The following ZNF620 variants were observed in gnomAD, a reference collection of about 807,000 sequenced individuals.
The protein encoded by ZNF620 is zinc finger protein 620.
In ZNF620, 10 loss-of-function variants were observed where a neutral mutation model predicts 13.3. That is an observed-to-expected ratio of 0.75 (90% CI 0.46 to 1.28). ZNF620 has a LOEUF of 1.28. Ranked by LOEUF, ZNF620 falls within the 50% of genes most tolerant of loss-of-function variation. The pLI is 0.00. For missense variants in ZNF620, 461 were observed against 500.2 expected (o/e 0.92, Z 0.75); for synonymous variants, 166 against 177.6 (o/e 0.93, Z 0.52).
intron 4 of ZNF620, among the ~76,000 whole-genome samples, chr3:40,515,064 T>C (rs1341157455): frequency 2.6e-5 from 4 of 152,366 alleles, no homozygotes; most frequent in African/African-American, 4.8e-5. Flanking sequence ...TGGTTTTCCC[T>C]TATTATCATG....
In ZNF620 at chr3:40,516,779, A is replaced by C; in HGVS notation, c.1185A>C (p.Lys395Asn). ...CTGGCGAGAAACCTTATGAGTGTAA[A>C]GTGTGTGGTAAAACCTTCAGCTGGT... is the stretch of plus-strand genomic sequence containing the variant. ...VHTGEKPYEC[K>N]VCGKTFSWCG... Residue 395 changes from lysine to asparagine, a missense_variant, in exon 5 of 5, where the codon AAA (lysine) becomes AAC (asparagine). Physicochemically the swap from Lys to Asn is moderately conservative, Grantham distance 94. Transcript: ENST00000314529. 1.2e-6 allele frequency: 2 copies of C among 1,614,194 alleles called. No homozygotes were observed. Among genetic ancestry groups the C allele is most frequent in the East Asian group, 2.2e-5 (1 of 44,876 alleles).
intron 3 of ZNF620, among the ~76,000 whole-genome samples, chr3:40,512,004 A>T (rs987108878): frequency 6.6e-6 from 1 of 152,062 alleles, no homozygotes; most frequent in South Asian, 2.1e-4. Context: ...GGGGTTTCTA[A>T]TAACTCTCTG....
At chr3:40,510,924 A>AT (rs956342901) in intron 2 of ZNF620, among the ~76,000 whole-genome samples, 1 of 151,944 alleles carries the variant, frequency 6.6e-6, no homozygotes, top group African/African-American at 2.4e-5. Context: ...GAATTTTTGT[A>AT]TTTTTTGTAG....
In ZNF620 at chr3:40,516,592, A is replaced by T. The variant is rs1222296947; in HGVS notation, c.998A>T (p.Glu333Val). 6.2e-7 allele frequency: 1 copy of T among 1,614,220 alleles called. No homozygotes were observed. Among genetic ancestry groups the T allele is most frequent in the East Asian group, 2.2e-5 (1 of 44,882 alleles). Residue 333 changes from glutamate (E) to valine (V), a missense_variant, in exon 5 of 5, where the codon GAG becomes GTG. Glu to Val is a moderately radical substitution (Grantham distance 121, BLOSUM62 -2). Transcript: ENST00000314529. Reference protein sequence around the residue: ...FTVHQRMHTGEKPYECKECGK... With the variant: ...FTVHQRMHTGVKPYECKECGK... Reference sequence around the variant, plus strand: ...GTCCATCAGCGAATGCACACTGGGGAGAAACCTTATGAATGTAAAGAGTGT... The same window carrying T: ...GTCCATCAGCGAATGCACACTGGGGTGAAACCTTATGAATGTAAAGAGTGT...
At chr3:40,511,333 G>A (rs766452640) in intron 2 of ZNF620, 137 bp from the exon 3 acceptor site, 5 of 1,214,482 alleles carry the variant, frequency 4.1e-6, no homozygotes, top group Non-Finnish European at 5.7e-6. Context: ...GGGCAAAGAT[G>A]GCTGAGGGCT....
Position 40,511,809 on chromosome 3 carries a change from G to A in ZNF620, c.151+213G>A, listed in dbSNP as rs770245083. On this transcript the variant is annotated intron_variant, in intron 3 of 4. Transcript: ENST00000314529. ...CGATTCTTCTGCCTCAGCCTCCAAAGTAGCTGGGATTACAGGTGGGCGCCA... is the reference window on the plus strand; with the variant it reads ...CGATTCTTCTGCCTCAGCCTCCAAAATAGCTGGGATTACAGGTGGGCGCCA... Among the ~76,000 whole-genome samples the A allele has an allele frequency of 1.2e-3, 177 of 152,084 alleles. 2 individuals are homozygous for A. Among genetic ancestry groups the A allele is most frequent in the Middle Eastern group, 3.4e-3 (1 of 294 alleles).
intron 4 of ZNF620, among the ~76,000 whole-genome samples, chr3:40,513,316 A>T (rs867206140): frequency 1.2e-3 from 75 of 62,618 alleles, no homozygotes; most frequent in Admixed American, 2.0e-3. Flanking sequence ...AAAAAAAAAA[A>T]ATATATATAT....
rs1698444941 is a variant in ZNF620 at position 40,518,311 on chromosome 3, A to C, written c.*1448A>C. 6.6e-6 allele frequency: 1 copy of C among 152,234 alleles called. No homozygotes were observed. Among genetic ancestry groups the C allele is most frequent in the Non-Finnish European group, 1.5e-5 (1 of 68,048 alleles). The allele number at this position is 152,234 out of a possible 1,614,324, so 9.4% of individuals were successfully genotyped here. A position where few individuals can be genotyped will look rare whatever the true frequency, so the allele number is the denominator to read the frequency against. The stretch of plus-strand genomic sequence containing the variant: ...GTGTTTGTCCTTGGTTAAGTTACAA[A>C]AACTGCACTAGTTTCCTTATCTGTA... On this transcript the variant is annotated 3_prime_UTR_variant, in exon 5 of 5. Coordinates refer to ENST00000314529, the MANE Select transcript of ZNF620 (RefSeq NM_175888.4).
Position 40,515,739 on chromosome 3 carries a change from A to G in ZNF620, c.266-121A>G, listed in dbSNP as rs565044769. 3.5e-5 allele frequency: 46 copies of G among 1,300,400 alleles called. No individual in the cohort carries two copies. The South Asian group carries it at 5.2e-4, about 15-fold the overall frequency. The allele number at this position is 1,300,400 out of a possible 1,614,324, so 80.6% of individuals were successfully genotyped here. A position where few individuals can be genotyped will look rare whatever the true frequency, so the allele number is the denominator to read the frequency against. ...AGAAAATATCCATATATTCAGGGCAAATTAGAACCACTTGATTCTGTTTCT... is the reference window on the plus strand; with the variant it reads ...AGAAAATATCCATATATTCAGGGCAGATTAGAACCACTTGATTCTGTTTCT... On this transcript the variant is annotated intron_variant, in intron 4 of 4. Transcript: ENST00000314529.
intron 2 of ZNF620, among the ~76,000 whole-genome samples, chr3:40,509,363 T>G (rs1422995083): frequency 2.0e-5 from 3 of 152,056 alleles, no homozygotes; most frequent in Non-Finnish European, 2.9e-5. Context: ...CCCACGTAGC[T>G]GGGATTATAG....
At position 40,516,535 on chromosome 3, in the gene ZNF620, G is replaced by A; in HGVS notation, c.941G>A (p.Trp314Ter). Residue 314 changes from tryptophan (W) to a stop codon, truncating the protein, a stop_gained, in exon 5 of 5, where the codon TGG becomes TAG. Coordinates refer to ENST00000314529, the MANE Select transcript of ZNF620 (RefSeq NM_175888.4). LOFTEE classifies it low-confidence loss of function (END_TRUNC). ...GEKLYECNEC[W>*]KTFSCSSSFT... ...AAGCTCTATGAATGTAACGAATGTT[G>A]GAAAACTTTCAGTTGCAGCTCAAGT... 2 of 1,614,180 alleles carry A rather than the reference G, an allele frequency of 1.2e-6. No homozygotes were observed. The highest frequency in any genetic ancestry group is 1.1e-5 in the South Asian group (1 of 91,082).
Position 40,506,393 on chromosome 3 carries a change from T to TTCCAC in ZNF620, c.24+17_24+18insTCCAC. 1.9e-6 allele frequency: 3 copies of TTCCAC among 1,556,014 alleles called. No homozygotes were observed. Among genetic ancestry groups the TTCCAC allele is most frequent in the Non-Finnish European group, 2.6e-6 (3 of 1,132,310 alleles). On this transcript the variant is annotated intron_variant, in intron 2 of 4. Coordinates refer to ENST00000314529, the MANE Select transcript of ZNF620 (RefSeq NM_175888.4). ...TGGCGCCAGGTGAGTGAGCATCCTCTCCCTCCCTCCCACCCTTTAGATGTC... is the reference window on the plus strand; with the variant it reads ...TGGCGCCAGGTGAGTGAGCATCCTCTTCCACCCCTCCCTCCCACCCTTTAGATGTC...
chr3:40,515,817 TGTG>T, intron 4 of ZNF620, 40 bp from the exon 5 acceptor site: 32 of 1,086,630 alleles, frequency 2.9e-5, no homozygotes, highest in African/African-American at 5.8e-5. Context: ...TGTGTGTGTG[TGTG>T]ATATCAGGGA....
chr3:40,516,939 G>T lies in ZNF620; in HGVS notation c.*76G>T. ...CATGCTTTTTATCAGTGTCCTCGCTGTCCTTCCTGGTTAGACACTTGGCTT... is the reference window on the plus strand; with the variant it reads ...CATGCTTTTTATCAGTGTCCTCGCTTTCCTTCCTGGTTAGACACTTGGCTT... On this transcript the variant is annotated 3_prime_UTR_variant, in exon 5 of 5. Coordinates refer to ENST00000314529, the MANE Select transcript of ZNF620 (RefSeq NM_175888.4). The T allele has an allele frequency of 6.8e-7, 1 of 1,474,096 alleles. No individual in the cohort carries two copies. The highest frequency in any genetic ancestry group is 9.1e-7 in the Non-Finnish European group (1 of 1,101,828). 91.3% of individuals were successfully genotyped at this position (1,474,096 alleles called of 1,614,324 possible). A position where few individuals can be genotyped will look rare whatever the true frequency, so the allele number is the denominator to read the frequency against.
chr3:40,506,991 G>A (rs1382659423), intron 2 of ZNF620, among the ~76,000 whole-genome samples: 1 of 151,712 alleles, frequency 6.6e-6, no homozygotes, highest in Non-Finnish European at 1.5e-5. Flanking sequence ...TCCTTTATCA[G>A]GCATTCTCTT....
chr3:40,507,152 C>T (rs1055222412), intron 2 of ZNF620, among the ~76,000 whole-genome samples: 5 of 129,182 alleles, frequency 3.9e-5, no homozygotes, highest in Admixed American at 1.9e-4. Flanking sequence ...AGTGCAGTGG[C>T]GCGATCCTGG....
In ZNF620 at chr3:40,507,822, G is replaced by T. The variant is rs1575286007; in HGVS notation, c.24+1446G>T. 2.6e-5 allele frequency among the ~76,000 whole-genome samples: 4 copies of T among 151,918 alleles called. No homozygotes were observed. The South Asian group carries it at 8.3e-4, about 32-fold the overall frequency. On this transcript the variant is annotated intron_variant, in intron 2 of 4. Transcript: ENST00000314529. ...TTATTTATTTTTATTTTTTGACAAC[G>T]GTTTTCTCTATGTTGCCCAGGCTGA...
chr3:40,516,861 T>C lies in ZNF620; in HGVS notation c.1267T>C (p.Ter423GlnextTer4). The C allele has an allele frequency of 6.3e-7, 1 of 1,598,968 alleles. No individual in the cohort carries two copies. Among genetic ancestry groups the C allele is most frequent in the South Asian group, 1.1e-5 (1 of 89,262 alleles). The change falls in exon 5 of 5, where the codon TAG (stop) becomes CAG (glutamine). Residue 423 changes from the stop codon to glutamine, a stop_lost. Coordinates refer to ENST00000314529, the MANE Select transcript of ZNF620 (RefSeq NM_175888.4). ...CACTCAGAAGACACCTGTCCAAGCATAGGGCTATCCATAGTTAGGCCCACT... is the reference window on the plus strand; with the variant it reads ...CACTCAGAAGACACCTGTCCAAGCACAGGGCTATCCATAGTTAGGCCCACT... ...LHTQKTPVQA[*>Q] is the part of the protein sequence containing the mutation.
chr3:40,511,533 T>G lies in ZNF620; in HGVS notation c.88T>G (p.Ser30Ala). The change falls in exon 3 of 5, where the codon TCT becomes GCT. Residue 30 changes from serine (S) to alanine (A), a missense_variant. By Grantham distance (99) the Ser-to-Ala change is moderately conservative (BLOSUM62 1). Coordinates refer to ENST00000314529, the MANE Select transcript of ZNF620 (RefSeq NM_175888.4). ...CCAGAATGAATGGGCCAGCCTGGAC[T>G]CTGTGCAGAGGGCCCTGTACAGGGA... ...FTQNEWASLD[S>A]VQRALYREVM... The G allele has an allele frequency of 1.2e-6, 2 of 1,613,968 alleles. No homozygotes were observed. The highest frequency in any genetic ancestry group is 1.7e-6 in the Non-Finnish European group (2 of 1,179,908).
Sources: gnomAD v4.1 joint callset for allele counts (sites outside exome capture counted in the v4.1 genomes callset) on GRCh38, gnomAD v4.1.1 for gene constraint, MANE v1.5 for transcripts, NCBI Gene and HGNC (gene_info 2026-07-23, HGNC 2026-07-21) for gene names.